The following GALK2 variants were observed in gnomAD, a reference collection of about 807,000 sequenced individuals.
GALK2 encodes galactokinase 2, also known as N-acetylgalactosamine kinase.
In GALK2, 36 loss-of-function variants were observed where a neutral mutation model predicts 52.4. The ratio of observed to expected loss-of-function variants is 0.69; its 90% CI spans 0.53 to 0.91. GALK2 has a LOEUF of 0.91. GALK2 is among the 40% of genes least tolerant of loss of function. The probability of loss-of-function intolerance (pLI) is 0.00; values close to 1 mark genes in which losing one functional copy is unlikely to be tolerated. For missense variants in GALK2, 579 were observed against 559.1 expected (o/e 1.04, Z -0.36); for synonymous variants, 176 against 199.1 (o/e 0.88, Z 0.98).
chr15:49,272,720 C>T (rs1437445268), intron 5 of GALK2, among the ~76,000 whole-genome samples: 1 of 152,138 alleles, frequency 6.6e-6, no homozygotes, highest in Non-Finnish European at 1.5e-5. Flanking sequence ...TAATAAGATT[C>T]CTCCTCATGC....
intron 2 of GALK2, among the ~76,000 whole-genome samples, chr15:49,216,211 T>G (rs752994976): frequency 6.6e-6 from 1 of 152,170 alleles, no homozygotes; most frequent in East Asian, 1.9e-4. Flanking sequence ...GCCTGGTTAC[T>G]GCTGATGTTT....
chr15:49,210,650 A>G (rs971343942), intron 2 of GALK2, among the ~76,000 whole-genome samples: 3 of 151,902 alleles, frequency 2.0e-5, no homozygotes, highest in Non-Finnish European at 2.9e-5. Context: ...CACGAAGGCC[A>G]GGCTGGTCGC....
In GALK2 at chr15:49,328,719, A is replaced by T. The variant is rs2037972174; in HGVS notation, c.*560A>T. On this transcript the variant is annotated 3_prime_UTR_variant, in exon 10 of 10. Coordinates refer to ENST00000560031, the MANE Select transcript of GALK2 (RefSeq NM_002044.4). ...ATTAAAGTTTCACAGATCTTCTTGG[A>T]CATTGTATAATTGAATTTGAATGTG... 6.5e-7 allele frequency: 1 copy of T among 1,541,546 alleles called. No individual in the cohort carries two copies. Among genetic ancestry groups the T allele is most frequent in the African/African-American group, 1.4e-5 (1 of 72,852 alleles).
intron 8 of GALK2, among the ~76,000 whole-genome samples, chr15:49,307,676 G>A (rs972130044): frequency 6.6e-6 from 1 of 152,098 alleles, no homozygotes; most frequent in African/African-American, 2.4e-5. Flanking sequence ...TTTGATCAGC[G>A]GAGTAAAATG....
intron 2 of GALK2, among the ~76,000 whole-genome samples, 170 bp from the exon 3 acceptor site, chr15:49,217,020 G>C (rs1343171516): frequency 6.6e-6 from 1 of 152,064 alleles, no homozygotes; most frequent in Admixed American, 6.5e-5. Context: ...TGCTCAATTT[G>C]GTGTAAGATC....
chr15:49,360,404 T>C (rs1194348327), intron 3 of GALK2, among the ~76,000 whole-genome samples: 1 of 152,178 alleles, frequency 6.6e-6, no homozygotes, highest in Non-Finnish European at 1.5e-5. Context: ...CTTATACACT[T>C]TTCTTTTTAA....
chr15:49,317,705 T>C (rs1262972136), intron 8 of GALK2, among the ~76,000 whole-genome samples: 1 of 152,202 alleles, frequency 6.6e-6, no homozygotes, highest in Non-Finnish European at 1.5e-5. Context: ...GTGGCACATA[T>C]ACACCATGGA....
chr15:49,266,799 G>T (rs1482400821), intron 5 of GALK2, among the ~76,000 whole-genome samples: 1 of 152,158 alleles, frequency 6.6e-6, no homozygotes, highest in East Asian at 1.9e-4. Context: ...GAGTTATATT[G>T]TTATAACCTT....
chr15:49,212,251 C>T (rs1454784263), intron 2 of GALK2, among the ~76,000 whole-genome samples: 1 of 152,004 alleles, frequency 6.6e-6, no homozygotes, highest in African/African-American at 2.4e-5. Flanking sequence ...CACGACCATG[C>T]CTGGATAATT....
chr15:49,156,660 A>C, intron 1 of GALK2: 1 of 518,622 alleles, frequency 1.9e-6, no homozygotes, highest in South Asian at 1.5e-5. Context: ...CCCAAAGGCA[A>C]AATTTCCACT....
intron 7 of GALK2, among the ~76,000 whole-genome samples, chr15:49,289,426 A>G (rs2033710716): frequency 6.6e-6 from 1 of 152,202 alleles, no homozygotes; most frequent in African/African-American, 2.4e-5. Flanking sequence ...TTCTTCATGA[A>G]TATCTTAACA....
At chr15:49,192,485 G>GTATATATATGTGTATATA (rs1555400548) in intron 1 of GALK2, among the ~76,000 whole-genome samples, 2 of 102,976 alleles carry the variant, frequency 1.9e-5, no homozygotes, top group Non-Finnish European at 3.8e-5. Flanking sequence ...ATATATATAT[G>GTATATATATGTGTATATA]TATATATATA....
At chr15:49,291,980 T>A (rs926856954) in intron 7 of GALK2, among the ~76,000 whole-genome samples, 2 of 152,058 alleles carry the variant, frequency 1.3e-5, no homozygotes, top group Admixed American at 1.3e-4. Flanking sequence ...GCAGTAGGCA[T>A]GAACTGAATA....
At chr15:49,181,705 TTA>T (rs2141223392) in intron 1 of GALK2, among the ~76,000 whole-genome samples, 1 of 152,070 alleles carries the variant, frequency 6.6e-6, no homozygotes, top group Non-Finnish European at 1.5e-5. Flanking sequence ...AAATAGTTTT[TTA>T]TTTTGAAATA....
At chr15:49,192,968 A>G (rs979539362) in intron 1 of GALK2, among the ~76,000 whole-genome samples, 2 of 143,908 alleles carry the variant, frequency 1.4e-5, no homozygotes, top group African/African-American at 5.2e-5. Context: ...TTATGAAACT[A>G]TCTTTTGTTA....
chr15:49,332,647 TAA>T (rs910387644), downstream of GALK2, among the ~76,000 whole-genome samples: 3 of 152,172 alleles, frequency 2.0e-5, no homozygotes, highest in African/African-American at 7.2e-5. Context: ...AAAGGATATA[TAA>T]GACTATTAAT....
intron 1 of GALK2, among the ~76,000 whole-genome samples, chr15:49,157,186 A>T (rs1302413676): frequency 2.0e-5 from 3 of 152,302 alleles, no homozygotes; most frequent in South Asian, 4.1e-4. Flanking sequence ...AGTGTCCTGA[A>T]TCCCTCATTT....
intron 3 of GALK2, among the ~76,000 whole-genome samples, chr15:49,363,305 A>G (rs1166084590): frequency 6.6e-6 from 1 of 151,982 alleles, no homozygotes; most frequent in Non-Finnish European, 1.5e-5. Context: ...TCTTTGAGCA[A>G]TGTTTTGTAA....
chr15:49,358,724 T>C (rs536179095), intron 3 of GALK2, among the ~76,000 whole-genome samples: 1 of 151,764 alleles, frequency 6.6e-6, no homozygotes, highest in Non-Finnish European at 1.5e-5. Flanking sequence ...CTTCACAGAA[T>C]TGGAAAAAAC....
Sources: allele counts gnomAD v4.1 joint callset (sites outside exome capture counted in the v4.1 genomes callset), GRCh38; gene constraint gnomAD v4.1.1; transcripts MANE v1.5; gene names NCBI Gene and HGNC (gene_info 2026-07-23, HGNC 2026-07-21).